PTPRN2: variants seen among roughly 807,000 people sequenced by gnomAD.
The protein encoded by PTPRN2 is receptor-type tyrosine-protein phosphatase N2.
In PTPRN2, 74 loss-of-function variants were observed where a neutral mutation model predicts 118.8. That is an observed-to-expected ratio of 0.62 (90% CI 0.52 to 0.76). The LOEUF is 0.76. PTPRN2 is among the 30% of genes least tolerant of loss of function. The probability of loss-of-function intolerance (pLI) is 0.00; values close to 1 mark genes in which losing one functional copy is unlikely to be tolerated. For synonymous variants in PTPRN2, 641 were observed against 608.0 expected, an observed-to-expected ratio of 1.05 and a Z score of -0.80; for missense variants, 1,481 against 1,394.4, an observed-to-expected ratio of 1.06 and a Z score of -0.99.
chr7:157,871,474 A>G (rs1811043190), intron 12 of PTPRN2, among the ~76,000 whole-genome samples: 1 of 152,150 alleles, frequency 6.6e-6, no homozygotes, highest in African/African-American at 2.4e-5. Context: ...ATTGGACTCA[A>G]GGTCGCGTTC....
chr7:158,311,590 G>A (rs1801734106), intron 3 of PTPRN2, among the ~76,000 whole-genome samples: 1 of 152,240 alleles, frequency 6.6e-6, no homozygotes, highest in Admixed American at 6.5e-5. Flanking sequence ...CCTGGAGGAA[G>A]AAGGTTGTGA....
At chr7:157,545,060 G>A (rs13233010) in intron 22 of PTPRN2, among the ~76,000 whole-genome samples, 1 of 147,596 alleles carries the variant, frequency 6.8e-6, no homozygotes, top group African/African-American at 2.5e-5. Context: ...GTGGGTGTGT[G>A]CAGTGTGCAT....
intron 11 of PTPRN2, among the ~76,000 whole-genome samples, chr7:157,963,332 A>G (rs549310997): frequency 6.6e-6 from 1 of 152,408 alleles, no homozygotes; most frequent in South Asian, 2.1e-4. Flanking sequence ...AAGGTGGACA[A>G]TACTGGAACT....
chr7:158,070,400 G>C lies in PTPRN2; in HGVS notation c.1723+10898C>G, dbSNP rs535449278. Among the ~76,000 whole-genome samples, 17 of 147,828 alleles carry C rather than the reference G, an allele frequency of 1.1e-4. No homozygotes were observed. The East Asian group carries it at 3.2e-3, about 28-fold the overall frequency. ...GCCCGTGGTGGTGGAGGTGCTCGTGGTGGTGGACGTGCTCGTGGTGGTGGT... is the reference window on the plus strand; with the variant it reads ...GCCCGTGGTGGTGGAGGTGCTCGTGCTGGTGGACGTGCTCGTGGTGGTGGT... On this transcript the variant is annotated intron_variant, in intron 11 of 22. Transcript: ENST00000389418.
chr7:157,689,775 G>A (rs1797379638), intron 12 of PTPRN2, among the ~76,000 whole-genome samples: 1 of 152,220 alleles, frequency 6.6e-6, no homozygotes, highest in Non-Finnish European at 1.5e-5. Context: ...TTTGGGGGAG[G>A]AGAGATGGCC....
intron 12 of PTPRN2, among the ~76,000 whole-genome samples, chr7:157,870,310 G>T (rs1251885018): frequency 6.6e-6 from 1 of 152,192 alleles, no homozygotes. Flanking sequence ...CTTGCAAATT[G>T]ATGAGGGGGT....
Position 157,990,464 on chromosome 7 carries a change from A to G in PTPRN2, c.1723+90834T>C, listed in dbSNP as rs1348018475. 6.8e-6 allele frequency among the ~76,000 whole-genome samples: 1 copy of G among 146,954 alleles called. No homozygotes were observed. On this transcript the variant is annotated intron_variant, in intron 11 of 22. Coordinates refer to ENST00000389418, the MANE Select transcript of PTPRN2 (RefSeq NM_002847.5). This position sits in a 1 kb window ranked among gnomAD's most constrained non-coding sequence, Gnocchi z 4.3. ...TCCTTCCTTCAGGGCACCCCCACCC[A>G]CCCTCTCCCCAAGGCTTGGGCCACA...
intron 2 of PTPRN2, among the ~76,000 whole-genome samples, chr7:158,473,768 G>A (rs1206915787): frequency 6.6e-6 from 1 of 150,492 alleles, no homozygotes; most frequent in Admixed American, 6.6e-5. Context: ...ATGATAGATT[G>A]GGGGGAAAAA....
chr7:158,409,817 G>A (rs936270301), intron 2 of PTPRN2, among the ~76,000 whole-genome samples: 1 of 152,200 alleles, frequency 6.6e-6, no homozygotes, highest in African/African-American at 2.4e-5. Flanking sequence ...TCTGGCAAGT[G>A]TTTTAAGAAT....
chr7:158,274,147 C>T (rs1392686094), intron 3 of PTPRN2, among the ~76,000 whole-genome samples: 2 of 110,006 alleles, frequency 1.8e-5, no homozygotes, highest in Admixed American at 9.8e-5. Context: ...CACAGGGAGC[C>T]GCAGACACAG....
chr7:158,248,444 T>G (rs1173559526), intron 3 of PTPRN2, among the ~76,000 whole-genome samples: 1 of 149,932 alleles, frequency 6.7e-6, no homozygotes, highest in Admixed American at 6.7e-5. Flanking sequence ...TCTCATTTAC[T>G]TGAATTCAAA....
chr7:157,848,886 G>A (rs1034152782), intron 12 of PTPRN2, among the ~76,000 whole-genome samples: 42 of 152,226 alleles, frequency 2.8e-4, no homozygotes, highest in Non-Finnish European at 4.1e-4. Context: ...TGTGCACCAC[G>A]GTGTGCCCTG....
rs1375105740 is a variant in PTPRN2 at position 157,764,844 on chromosome 7, T to C, written c.1789-81907A>G. ...GGGAAATGATCCATCCTGCCATTCATCCATCCATCCATCAAGCACTCATCC... is the reference window on the plus strand; with the variant it reads ...GGGAAATGATCCATCCTGCCATTCACCCATCCATCCATCAAGCACTCATCC... On this transcript the variant is annotated intron_variant, in intron 12 of 22. Coordinates refer to ENST00000389418, the MANE Select transcript of PTPRN2 (RefSeq NM_002847.5). This position sits in a 1 kb window ranked among gnomAD's most constrained non-coding sequence, Gnocchi z 4.5. 1.3e-5 allele frequency among the ~76,000 whole-genome samples: 2 copies of C among 152,056 alleles called. No individual in the cohort carries two copies. Among genetic ancestry groups the C allele is most frequent in the Non-Finnish European group, 2.9e-5 (2 of 67,998 alleles).
chr7:157,756,775 A>G (rs538993426), intron 12 of PTPRN2, among the ~76,000 whole-genome samples: 1 of 150,548 alleles, frequency 6.6e-6, no homozygotes, highest in African/African-American at 2.5e-5. Flanking sequence ...ATGGGTGACT[A>G]TGTCAGGAGA....
intron 1 of PTPRN2, among the ~76,000 whole-genome samples, chr7:158,585,841 C>T (rs868805516): frequency 3.1e-4 from 47 of 152,178 alleles, no homozygotes; most frequent in African/African-American, 1.1e-3. Flanking sequence ...AGGTGAAGGG[C>T]GGCACCTGGC....
At chr7:158,507,807 C>A (rs117063287) in intron 1 of PTPRN2, among the ~76,000 whole-genome samples, 2,216 of 146,572 alleles carry the variant, frequency 0.015, 32 homozygotes, top group South Asian at 0.023. Flanking sequence ...GCCTCTGCAA[C>A]AGGCAGTGGA....
chr7:158,516,111 AG>A (rs1405074006), intron 1 of PTPRN2, among the ~76,000 whole-genome samples: 7 of 152,188 alleles, frequency 4.6e-5, no homozygotes, highest in Non-Finnish European at 1.5e-5. Flanking sequence ...CTTGCCTCAA[AG>A]GCCTCCTAAG....
Position 158,525,080 on chromosome 7 carries a change from C to T in PTPRN2, c.113-35295G>A, listed in dbSNP as rs1824667217. 6.6e-6 allele frequency among the ~76,000 whole-genome samples: 1 copy of T among 152,126 alleles called. No individual in the cohort carries two copies. The highest frequency in any genetic ancestry group is 1.5e-5 in the Non-Finnish European group (1 of 68,036). ...AGACTGTGGCTCAGGATGCAAGGCT[C>T]TGACTGAACCCTCAAGCTGGCCCTC... On this transcript the variant is annotated intron_variant, in intron 1 of 22. Coordinates refer to ENST00000389418, the MANE Select transcript of PTPRN2 (RefSeq NM_002847.5). This position sits in a 1 kb window ranked among gnomAD's most constrained non-coding sequence, Gnocchi z 4.1.
intron 1 of PTPRN2, among the ~76,000 whole-genome samples, chr7:158,575,092 A>G (rs1586969583): frequency 1.3e-5 from 2 of 152,246 alleles, no homozygotes; most frequent in African/African-American, 4.8e-5. Context: ...AACATTTGGA[A>G]CATGCTAACA....
Sources: gnomAD v4.1 joint callset for allele counts (sites outside exome capture counted in the v4.1 genomes callset) on GRCh38, gnomAD v4.1.1 for gene constraint, Gnocchi (gnomAD v3.1) non-coding constraint, MANE v1.5 for transcripts, NCBI Gene and HGNC (gene_info 2026-07-23, HGNC 2026-07-21) for gene names.